Variants in IQCJ observed in about 807,000 individuals in gnomAD.
The protein encoded by IQCJ is IQ motif containing J.
A neutral mutation model predicts 11.0 loss-of-function variants in IQCJ; 9 were observed. That is an observed-to-expected ratio of 0.82 (90% CI 0.49 to 1.43). IQCJ has a LOEUF of 1.43. Ranked by LOEUF, IQCJ falls within the 40% of genes most tolerant of loss-of-function variation. IQCJ has a pLI of 0.00. For missense variants in IQCJ, 146 were observed against 133.2 expected, an observed-to-expected ratio of 1.10 and a Z score of -0.47; for synonymous variants, 55 against 51.3, an observed-to-expected ratio of 1.07 and a Z score of -0.31.
downstream of IQCJ, chr3:159,265,546 G>T (rs1227721550): frequency 4.5e-5 from 28 of 627,106 alleles, no homozygotes; most frequent in East Asian, 6.4e-4. Flanking sequence ...GTCAAATGTT[G>T]TCAGTGAGCT....
At chr3:159,106,321 T>C (rs1718259812) in intron 1 of IQCJ, among the ~76,000 whole-genome samples, 1 of 152,078 alleles carries the variant, frequency 6.6e-6, no homozygotes, top group Non-Finnish European at 1.5e-5. Flanking sequence ...AGGTTAGATC[T>C]TGAGATATAA....
intron 1 of IQCJ, among the ~76,000 whole-genome samples, chr3:159,115,230 G>C (rs73164351): frequency 0.28 from 42,072 of 152,040 alleles, 7,046 homozygotes; most frequent in Non-Finnish European, 0.39. Flanking sequence ...ATAGAGACAG[G>C]CTTCCTCTCT....
At chr3:159,167,544 A>T (rs563413390) in intron 1 of IQCJ, among the ~76,000 whole-genome samples, 153 of 152,352 alleles carry the variant, frequency 1.0e-3, no homozygotes, top group Middle Eastern at 3.4e-3. Context: ...TACAGATAAC[A>T]TTTGAATCTC....
intron 2 of IQCJ, among the ~76,000 whole-genome samples, chr3:159,250,344 T>C (rs1185216298): frequency 1.3e-5 from 2 of 152,130 alleles, no homozygotes; most frequent in African/African-American, 4.8e-5. Context: ...GGCCCTACAA[T>C]ATATAACTTT....
chr3:159,249,217 A>G (rs907237675), intron 2 of IQCJ, among the ~76,000 whole-genome samples: 3 of 152,104 alleles, frequency 2.0e-5, no homozygotes, highest in Non-Finnish European at 4.4e-5. Context: ...CCACAATTCT[A>G]TATTAAACCT....
intron 1 of IQCJ, among the ~76,000 whole-genome samples, chr3:159,165,679 C>T (rs1219891706): frequency 6.6e-6 from 1 of 151,184 alleles, no homozygotes; most frequent in Non-Finnish European, 1.5e-5. Context: ...AGTGGCTCGA[C>T]CTCGGCTCAC....
intron 1 of IQCJ, among the ~76,000 whole-genome samples, chr3:159,089,783 G>A (rs1234788277): frequency 6.6e-6 from 1 of 151,368 alleles, no homozygotes; most frequent in African/African-American, 2.4e-5. Context: ...GCTCCTTTAA[G>A]CACTTCTCTG....
chr3:159,176,881 A>G (rs1722826994), intron 1 of IQCJ, among the ~76,000 whole-genome samples: 1 of 152,206 alleles, frequency 6.6e-6, no homozygotes, highest in South Asian at 2.1e-4. Context: ...ATAAGCTCTT[A>G]CAGCATCCAC....
intron 1 of IQCJ, among the ~76,000 whole-genome samples, chr3:159,169,685 C>T (rs1722387796): frequency 1.3e-5 from 2 of 152,134 alleles, no homozygotes; most frequent in East Asian, 1.9e-4. Context: ...TGTTGCTTCA[C>T]CCACCTTCAG....
intron 2 of IQCJ, among the ~76,000 whole-genome samples, chr3:159,251,855 A>T (rs17795417): frequency 6.6e-6 from 1 of 152,048 alleles, no homozygotes. Flanking sequence ...TCAGCTGTAC[A>T]GTGGGGAAAG....
chr3:159,177,888 C>T (rs1722877644), intron 1 of IQCJ, among the ~76,000 whole-genome samples: 1 of 152,090 alleles, frequency 6.6e-6, no homozygotes, highest in Non-Finnish European at 1.5e-5. Context: ...TCAGTGTTGC[C>T]TCAATTTAGT....
intron 1 of IQCJ, among the ~76,000 whole-genome samples, chr3:159,158,791 AACATCATTT>A (rs1560007566): frequency 6.6e-6 from 1 of 152,238 alleles, no homozygotes. Flanking sequence ...AATATTCTAA[AACATCATTT>A]ACATTCATCA....
intron 1 of IQCJ, among the ~76,000 whole-genome samples, chr3:159,182,718 C>G (rs905230609): frequency 2.6e-5 from 4 of 151,808 alleles, no homozygotes; most frequent in African/African-American, 9.7e-5. Context: ...GCTTTTCTAT[C>G]AATGTCTGTA....
chr3:159,138,420 T>G (rs926826693), intron 1 of IQCJ, among the ~76,000 whole-genome samples: 19 of 152,324 alleles, frequency 1.2e-4, no homozygotes, highest in African/African-American at 4.6e-4. Flanking sequence ...TGAGAGACTA[T>G]GAGACTTATC....
chr3:159,256,375 C>T lies in IQCJ; in HGVS notation c.155+3568C>T, dbSNP rs143504914. Among the ~76,000 whole-genome samples, 1,481 of 151,562 alleles carry T rather than the reference C, an allele frequency of 9.8e-3. 15 individuals are homozygous for T. Among genetic ancestry groups the T allele is most frequent in the African/African-American group, 0.014 (579 of 40,976 alleles). ...AGGGGCAGAGAGAGAGAGAGAAAGACAGAGAGACAGAGAGAGATAGCATTC... is the reference window on the plus strand; with the variant it reads ...AGGGGCAGAGAGAGAGAGAGAAAGATAGAGAGACAGAGAGAGATAGCATTC... On this transcript the variant is annotated intron_variant, in intron 3 of 3. Transcript: ENST00000397832.
chr3:159,113,545 G>C (rs1029233623), intron 1 of IQCJ, among the ~76,000 whole-genome samples: 2 of 152,204 alleles, frequency 1.3e-5, no homozygotes, highest in Non-Finnish European at 2.9e-5. Flanking sequence ...ATTGTCCTTT[G>C]AGTTGCTTTA....
At chr3:159,254,503 A>G (rs1727781319) in intron 3 of IQCJ, among the ~76,000 whole-genome samples, 1 of 152,200 alleles carries the variant, frequency 6.6e-6, no homozygotes. Context: ...GGAAGGAGAG[A>G]AAACTTAATC....
chr3:159,117,342 C>T (rs1428483721), intron 1 of IQCJ, among the ~76,000 whole-genome samples: 1 of 152,180 alleles, frequency 6.6e-6, no homozygotes, highest in African/African-American at 2.4e-5. Context: ...GGGGAGAATT[C>T]ATGTGTTAGG....
In IQCJ at chr3:159,135,655, A is replaced by C. The variant is rs1720246655; in HGVS notation, c.9+66214A>C. On this transcript the variant is annotated intron_variant, in intron 1 of 3. Coordinates refer to ENST00000397832, the MANE Select transcript of IQCJ (RefSeq NM_001042706.3). ...AAGATAATGGAAGAGTGTACATGGAAGGTTTTATGGGTTAGGTTTTATGGG... is the reference window on the plus strand; with the variant it reads ...AAGATAATGGAAGAGTGTACATGGACGGTTTTATGGGTTAGGTTTTATGGG... Among the ~76,000 whole-genome samples, 5 of 152,258 alleles carry C rather than the reference A, an allele frequency of 3.3e-5. No homozygotes were observed. The South Asian group carries it at 8.3e-4, about 25-fold the overall frequency.
Sources: gnomAD v4.1 joint callset for allele counts (sites outside exome capture counted in the v4.1 genomes callset) on GRCh38, gnomAD v4.1.1 for gene constraint, MANE v1.5 for transcripts, NCBI Gene and HGNC (gene_info 2026-07-23, HGNC 2026-07-21) for gene names.